CYP2C19: variants seen among roughly 807,000 people sequenced by gnomAD.
CYP2C19 encodes cytochrome P450 2C19.
In CYP2C19, 59 loss-of-function variants were observed where a neutral mutation model predicts 40.9. The ratio of observed to expected loss-of-function variants is 1.44; its 90% CI spans 1.17 to 1.79. The LOEUF is 1.79. CYP2C19 is among the 40% of genes most tolerant of loss of function. The probability of loss-of-function intolerance (pLI) is 0.00; values close to 1 mark genes in which losing one functional copy is unlikely to be tolerated. For missense variants in CYP2C19, 754 were observed against 596.9 expected, an observed-to-expected ratio of 1.26 and a Z score of -2.74; for synonymous variants, 253 against 208.7, an observed-to-expected ratio of 1.21 and a Z score of -1.83.
chr10:94,784,730 C>G (rs1460340869), intron 5 of CYP2C19, among the ~76,000 whole-genome samples: 1 of 151,952 alleles, frequency 6.6e-6, no homozygotes, highest in African/African-American at 2.4e-5. Context: ...GCTGGGATTA[C>G]AGGAATGTGC....
chr10:94,839,657 G>A (rs1478262395), intron 6 of CYP2C19, among the ~76,000 whole-genome samples: 1 of 152,222 alleles, frequency 6.6e-6, no homozygotes, highest in East Asian at 1.9e-4. Context: ...TTTAAGTCTT[G>A]GCTGAGTGCA....
chr10:94,808,740 T>A (rs1257175787), intron 5 of CYP2C19, among the ~76,000 whole-genome samples: 1 of 152,178 alleles, frequency 6.6e-6, no homozygotes, highest in Non-Finnish European at 1.5e-5. Context: ...TCCAATTCTA[T>A]CTGTGTTGTT....
chr10:94,776,359 T>G (rs1488193932), intron 3 of CYP2C19: 1 of 152,208 alleles, frequency 6.6e-6, no homozygotes, highest in Non-Finnish European at 1.5e-5. Flanking sequence ...AAATTTTGGC[T>G]TAGAAATTTA....
intron 6 of CYP2C19, among the ~76,000 whole-genome samples, chr10:94,826,169 A>G (rs938028842): frequency 6.6e-6 from 1 of 152,002 alleles, no homozygotes; most frequent in African/African-American, 2.4e-5. Context: ...ATGAACTTTA[A>G]AGTAGTTTTT....
At position 94,773,566 on chromosome 10, in the gene CYP2C19, G is replaced by A. The variant is rs575911170; in HGVS notation, c.169-1492G>A. Among the ~76,000 whole-genome samples, 9 of 152,088 alleles carry A rather than the reference G, an allele frequency of 5.9e-5. No homozygotes were observed. In the South Asian group the frequency reaches 1.0e-3, roughly 18 times the overall value. ...TTACTGCTCTTAAAGGTGGTGTGTC[G>A]AGTTGTTCATTCCTCCTGGTGGGTT... On this transcript the variant is annotated intron_variant, in intron 1 of 8. Transcript: ENST00000371321.
intron 6 of CYP2C19, among the ~76,000 whole-genome samples, chr10:94,834,685 C>T (rs1849375635): frequency 6.6e-6 from 1 of 152,198 alleles, no homozygotes; most frequent in South Asian, 2.1e-4. Flanking sequence ...CATTGTCCCT[C>T]CCACTGTGCT....
At chr10:94,838,697 G>C (rs1849443542) in intron 6 of CYP2C19, among the ~76,000 whole-genome samples, 1 of 152,066 alleles carries the variant, frequency 6.6e-6, no homozygotes, top group Non-Finnish European at 1.5e-5. Context: ...GGGACACTGG[G>C]ATAGGGAGGT....
At chr10:94,812,312 C>G (rs992471197) in intron 5 of CYP2C19, among the ~76,000 whole-genome samples, 23 of 152,150 alleles carry the variant, frequency 1.5e-4, no homozygotes, top group African/African-American at 5.3e-4. Context: ...TAACATTTTT[C>G]CTTTCTTTTA....
intron 1 of CYP2C19, among the ~76,000 whole-genome samples, chr10:94,767,190 G>A (rs2134230470): frequency 6.6e-6 from 1 of 152,260 alleles, no homozygotes; most frequent in Admixed American, 6.5e-5. Context: ...TAGGCCATGG[G>A]AAATGAGATT....
At position 94,820,572 on chromosome 10, in the gene CYP2C19, C is replaced by G. The variant is rs199597498; in HGVS notation, c.896C>G (p.Thr299Arg). ...ITAADLLGAG[T>R]ETTSTTLRYA... ...GCAGCTGACTTACTTGGAGCTGGGA[C>G]AGAGACAACAAGCACAACCCTGAGA... The change falls in exon 6 of 9, where the codon ACA (threonine) becomes AGA (arginine). Residue 299 changes from threonine to arginine, a missense_variant. Thr to Arg is a moderately conservative substitution (Grantham distance 71). Transcript: ENST00000371321. 16 of 1,614,076 alleles carry G rather than the reference C, an allele frequency of 9.9e-6. No homozygotes were observed. In the Admixed American group the frequency reaches 1.8e-4, roughly 18 times the overall value.
chr10:94,820,621 G>A lies in CYP2C19; in HGVS notation c.945G>A (p.Lys315=). 6.2e-7 allele frequency: 1 copy of A among 1,614,172 alleles called. No homozygotes were observed. Among genetic ancestry groups the A allele is most frequent in the Non-Finnish European group, 8.5e-7 (1 of 1,180,028 alleles). Residue 315 remains lysine, a synonymous_variant, in exon 6 of 9, where the codon AAG becomes AAA. Transcript: ENST00000371321. The part of the protein sequence containing the change: ...TLRYALLLLL[K]HPEVTAKVQE... ...GATATGCTCTCCTTCTCCTGCTGAAGCACCCAGAGGTCACAGGTATGATCA... is the reference window on the plus strand; with the variant it reads ...GATATGCTCTCCTTCTCCTGCTGAAACACCCAGAGGTCACAGGTATGATCA...
intron 5 of CYP2C19, among the ~76,000 whole-genome samples, chr10:94,797,614 G>C (rs1400257832): frequency 6.6e-6 from 1 of 151,956 alleles, no homozygotes; most frequent in Non-Finnish European, 1.5e-5. Flanking sequence ...AATCCTTCTG[G>C]TCCTGAACTT....
At chr10:94,818,932 A>G (rs1375474914) in intron 5 of CYP2C19, among the ~76,000 whole-genome samples, 9 of 152,096 alleles carry the variant, frequency 5.9e-5, no homozygotes, top group Non-Finnish European at 1.2e-4. Context: ...TCAACAGAAT[A>G]TACATTTTTT....
At chr10:94,843,871 A>G (rs1849530261) in intron 7 of CYP2C19, among the ~76,000 whole-genome samples, 1 of 152,188 alleles carries the variant, frequency 6.6e-6, no homozygotes, top group Non-Finnish European at 1.5e-5. Context: ...GAAGTTTTAC[A>G]TTTCAATATT....
chr10:94,836,786 G>C (rs991655554), intron 6 of CYP2C19, among the ~76,000 whole-genome samples: 1 of 152,362 alleles, frequency 6.6e-6, no homozygotes, highest in East Asian at 1.9e-4. Context: ...GCCACAGGTA[G>C]TGAGGAAATT....
intron 6 of CYP2C19, among the ~76,000 whole-genome samples, chr10:94,842,007 AT>A (rs1849502609): frequency 6.6e-6 from 1 of 152,164 alleles, no homozygotes; most frequent in South Asian, 2.1e-4. Flanking sequence ...TATTAGACCC[AT>A]TTGGTCTATA....
chr10:94,788,979 T>TC lies in CYP2C19; in HGVS notation c.819+6983dup, dbSNP rs565267774. ...ATTCCCACAAACAGTGTAAAAATAT[T>TC]CTATTTCTCCATATCCTTTCCAACA... is the stretch of plus-strand genomic sequence containing the variant. On this transcript the variant is annotated intron_variant, in intron 5 of 8. Coordinates refer to ENST00000371321, the MANE Select transcript of CYP2C19 (RefSeq NM_000769.4). Among the ~76,000 whole-genome samples, 472 of 152,126 alleles carry TC rather than the reference T, an allele frequency of 3.1e-3. 3 individuals are homozygous for TC. Among genetic ancestry groups the TC allele is most frequent in the African/African-American group, 0.011 (449 of 41,526 alleles).
At chr10:94,798,477 G>T (rs1200157880) in intron 5 of CYP2C19, among the ~76,000 whole-genome samples, 1 of 152,122 alleles carries the variant, frequency 6.6e-6, no homozygotes, top group Non-Finnish European at 1.5e-5. Flanking sequence ...GTTGATTTGG[G>T]GTGGCGAGTT....
intron 5 of CYP2C19, among the ~76,000 whole-genome samples, chr10:94,818,896 T>C (rs532122186): frequency 1.3e-5 from 2 of 152,294 alleles, no homozygotes; most frequent in Admixed American, 6.5e-5. Flanking sequence ...TTCTCCTGCC[T>C]GATTGCCCTG....
Sources: gnomAD v4.1 joint callset for allele counts (sites outside exome capture counted in the v4.1 genomes callset) on GRCh38, gnomAD v4.1.1 for gene constraint, MANE v1.5 for transcripts, NCBI Gene and HGNC (gene_info 2026-07-23, HGNC 2026-07-21) for gene names.